SRFBP1: variants seen among roughly 807,000 people sequenced by gnomAD.
The protein encoded by SRFBP1 is serum response factor-binding protein 1.
In SRFBP1, 47 loss-of-function variants were observed where a neutral mutation model predicts 45.5. That is an observed-to-expected ratio of 1.03 (90% CI 0.82 to 1.32). The LOEUF (loss-of-function observed/expected upper bound fraction) is 1.32, where lower values mean the gene tolerates loss of function less well. Among genes scored for constraint, SRFBP1 ranks in the 40% most tolerant of loss-of-function variants. The probability of loss-of-function intolerance (pLI) is 0.00; values close to 1 mark genes in which losing one functional copy is unlikely to be tolerated. For missense variants in SRFBP1, 621 were observed against 484.6 expected (o/e 1.28, Z -2.64); for synonymous variants, 203 against 166.3 (o/e 1.22, Z -1.70).
chr5:122,017,855 T>A (rs1204067549), intron 4 of SRFBP1, among the ~76,000 whole-genome samples: 1 of 152,226 alleles, frequency 6.6e-6, no homozygotes, highest in African/African-American at 2.4e-5. Context: ...TGTTTTACTT[T>A]CACACACTAG....
downstream of SRFBP1, among the ~76,000 whole-genome samples, chr5:122,032,105 G>A (rs542900705): frequency 5.9e-5 from 9 of 152,138 alleles, no homozygotes; most frequent in Non-Finnish European, 1.0e-4. Flanking sequence ...CTTTAAAAGG[G>A]TGAATATTGT....
At chr5:121,997,521 G>A (rs907856252) in intron 4 of SRFBP1, among the ~76,000 whole-genome samples, 1 of 151,720 alleles carries the variant, frequency 6.6e-6, no homozygotes, top group African/African-American at 2.4e-5. Context: ...AATTCAAGAT[G>A]GATTAAAGAT....
At chr5:122,048,935 T>C (rs560971154) in intron 2 of SRFBP1, among the ~76,000 whole-genome samples, 5 of 152,314 alleles carry the variant, frequency 3.3e-5, no homozygotes, top group Admixed American at 1.3e-4. Context: ...TTCTTCTCTC[T>C]TTTCTTCTTT....
chr5:121,969,367 T>C (rs1752142294), intron 1 of SRFBP1, among the ~76,000 whole-genome samples: 1 of 152,072 alleles, frequency 6.6e-6, no homozygotes, highest in Non-Finnish European at 1.5e-5. Flanking sequence ...AATTGAGTTA[T>C]TCCAGAACAG....
intron 3 of SRFBP1, among the ~76,000 whole-genome samples, chr5:121,983,275 CT>C (rs1752448557): frequency 6.6e-6 from 1 of 151,718 alleles, no homozygotes; most frequent in Admixed American, 6.6e-5. Flanking sequence ...ATGAAAATGG[CT>C]GTCTGTTCGA....
At chr5:121,988,014 C>G (rs1178272239) in intron 3 of SRFBP1, among the ~76,000 whole-genome samples, 2 of 152,156 alleles carry the variant, frequency 1.3e-5, no homozygotes, top group Non-Finnish European at 2.9e-5. Context: ...CTAATTTTGA[C>G]TTAATTTGAT....
At chr5:122,070,256 A>C in intron 2 of SRFBP1, 1 of 799,468 alleles carries the variant, frequency 1.3e-6, no homozygotes, top group East Asian at 2.4e-5. Flanking sequence ...TAAATCAAGC[A>C]GGGAAGGGAT....
intron 4 of SRFBP1, among the ~76,000 whole-genome samples, chr5:121,999,295 A>G (rs535889693): frequency 6.6e-6 from 1 of 151,646 alleles, no homozygotes; most frequent in Non-Finnish European, 1.5e-5. Context: ...TCTTTTTGCA[A>G]TTTTTTTTAT....
At chr5:122,019,969 AT>A in intron 5 of SRFBP1, 118 bp from the exon 6 acceptor site, 1 of 599,906 alleles carries the variant, frequency 1.7e-6, no homozygotes, top group Non-Finnish European at 2.7e-6. Context: ...TATGTATTTA[AT>A]ATCAATTCCA....
chr5:122,050,309 A>G (rs1216840280), intron 2 of SRFBP1, among the ~76,000 whole-genome samples: 1 of 152,180 alleles, frequency 6.6e-6, no homozygotes. Flanking sequence ...GAATAGTTTC[A>G]GCAGGAATGC....
At chr5:122,055,396 A>G (rs1323454250) in intron 2 of SRFBP1, among the ~76,000 whole-genome samples, 1 of 152,156 alleles carries the variant, frequency 6.6e-6, no homozygotes, top group African/African-American at 2.4e-5. Context: ...TAGCAACTAC[A>G]CTTTTCTGAA....
At chr5:122,077,493 C>A (rs749364042), downstream of SRFBP1, 2 of 1,613,902 alleles carry the variant, frequency 1.2e-6, no homozygotes, top group Non-Finnish European at 1.7e-6. This position sits in a 1 kb window ranked among gnomAD's most constrained non-coding sequence, Gnocchi z 4.9. Flanking sequence ...CCCACCATGC[C>A]GTCCACGCGG....
chr5:121,969,926 C>T (rs550289465), intron 1 of SRFBP1, among the ~76,000 whole-genome samples: 27 of 152,138 alleles, frequency 1.8e-4, no homozygotes, highest in African/African-American at 5.8e-4. Flanking sequence ...CTGTTCTTTC[C>T]GTCCCAAACA....
chr5:122,029,058 C>G (rs75108784), downstream of SRFBP1, among the ~76,000 whole-genome samples: 6,735 of 151,976 alleles, frequency 0.044, 176 homozygotes, highest in African/African-American at 0.06. Context: ...CATTGGTTCT[C>G]GACTTGGAGT....
intron 1 of SRFBP1, among the ~76,000 whole-genome samples, chr5:121,963,249 TG>T (rs1434229149): frequency 6.6e-6 from 1 of 152,224 alleles, no homozygotes; most frequent in Non-Finnish European, 1.5e-5. Flanking sequence ...ATATATTCTC[TG>T]CTGCCAGATT....
chr5:122,039,689 A>G (rs1753743480), intron 2 of SRFBP1, among the ~76,000 whole-genome samples: 1 of 152,144 alleles, frequency 6.6e-6, no homozygotes, highest in South Asian at 2.1e-4. Flanking sequence ...TTCTCTGAAT[A>G]ATTGCATTGA....
At chr5:121,978,779 A>T (rs1251391427) in intron 3 of SRFBP1, among the ~76,000 whole-genome samples, 2 of 152,106 alleles carry the variant, frequency 1.3e-5, no homozygotes, top group African/African-American at 4.8e-5. Context: ...GGCGTGAGCA[A>T]CCACTCCTGG....
chr5:122,026,512 G>A (rs1028460882), intron 7 of SRFBP1, among the ~76,000 whole-genome samples: 6 of 152,204 alleles, frequency 3.9e-5, no homozygotes, highest in Non-Finnish European at 1.5e-5. Context: ...AGTATTGTCA[G>A]ACTCAGTGGA....
At chr5:121,983,192 G>A (rs1459323940) in intron 3 of SRFBP1, among the ~76,000 whole-genome samples, 1 of 151,372 alleles carries the variant, frequency 6.6e-6, no homozygotes, top group Admixed American at 6.6e-5. Context: ...GGAGTTAAAT[G>A]GAGACAAATT....
Sources: gnomAD v4.1 joint callset for allele counts (sites outside exome capture counted in the v4.1 genomes callset) on GRCh38, gnomAD v4.1.1 for gene constraint, Gnocchi (gnomAD v3.1) non-coding constraint, MANE v1.5 for transcripts, NCBI Gene and HGNC (gene_info 2026-07-23, HGNC 2026-07-21) for gene names.